The following ZC3H7B variants were observed in gnomAD, a reference collection of about 807,000 sequenced individuals.
ZC3H7B encodes the protein zinc finger CCCH domain-containing protein 7B.
Under a neutral mutation model 116.0 loss-of-function variants are expected in ZC3H7B, and 35 were observed. That is an observed-to-expected ratio of 0.30 (90% CI 0.23 to 0.40). The LOEUF (loss-of-function observed/expected upper bound fraction) is 0.40, where lower values mean the gene tolerates loss of function less well. ZC3H7B is among the 10% of genes least tolerant of loss of function. ZC3H7B has a pLI of 1.00. For missense variants in ZC3H7B, 1,011 were observed against 1,321.5 expected (o/e 0.77, Z 3.64); for synonymous variants, 502 against 545.6 (o/e 0.92, Z 1.11).
Position 41,339,080 on chromosome 22 carries a change from C to G in ZC3H7B, c.705C>G (p.Asp235Glu), listed in dbSNP as rs778895779. 2 of 1,613,202 alleles carry G rather than the reference C, an allele frequency of 1.2e-6. No individual in the cohort carries two copies. Among genetic ancestry groups the G allele is most frequent in the Non-Finnish European group, 1.7e-6 (2 of 1,179,636 alleles). Residue 235 changes from aspartate (D) to glutamate (E), a missense_variant, in exon 9 of 23, where the codon GAC becomes GAG. Physicochemically the swap from Asp to Glu is conservative, Grantham distance 45 (BLOSUM62 2). Around this residue, in one of 5 missense-constraint regions of ZC3H7B, gnomAD observed 322 missense variants for 443.9 expected, o/e 0.73. Coordinates refer to ENST00000352645, the MANE Select transcript of ZC3H7B (RefSeq NM_017590.6). ...PTMPLFPHVL[D>E]LLAPLDSSRT... ...TGCCCCTGTTCCCTCACGTTCTGGA[C>G]CTGCTGGCCCCCCTGGACAGCAGCA...
At chr22:41,306,281 G>A (rs1405659357) in intron 1 of ZC3H7B, among the ~76,000 whole-genome samples, 1 of 151,710 alleles carries the variant, frequency 6.6e-6, no homozygotes, top group Non-Finnish European at 1.5e-5. Context: ...AGCTAGAAGT[G>A]TTTAAAAATT....
chr22:41,338,984 G>C lies in ZC3H7B; in HGVS notation c.626-17G>C, dbSNP rs202061437. 1.3e-6 allele frequency: 2 copies of C among 1,531,434 alleles called. No homozygotes were observed. The highest frequency in any genetic ancestry group is 4.7e-5 in the East Asian group (2 of 42,196). 94.9% of individuals were successfully genotyped at this position (1,531,434 alleles called of 1,614,324 possible). The stretch of plus-strand genomic sequence containing the variant: ...CAAGCAGTGCTCCCCTTCGGCTCTT[G>C]CCCACCCCATCCGCAGACTGCTACG... On this transcript the variant is annotated splice_polypyrimidine_tract_variant and intron_variant, in intron 8 of 22. Coordinates refer to ENST00000352645, the MANE Select transcript of ZC3H7B (RefSeq NM_017590.6). This position sits in a 1 kb window ranked among gnomAD's most constrained non-coding sequence, Gnocchi z 4.5.
At chr22:41,340,977 T>A (rs549091350) in intron 10 of ZC3H7B, 111 bp from the exon 11 acceptor site, 3 of 1,005,942 alleles carry the variant, frequency 3.0e-6, no homozygotes, top group East Asian at 5.1e-5. Flanking sequence ...TAGGAGAGGA[T>A]GTGTGGCCTG....
intron 1 of ZC3H7B, among the ~76,000 whole-genome samples, chr22:41,317,176 C>T (rs1189232220): frequency 2.0e-5 from 3 of 152,030 alleles, no homozygotes; most frequent in African/African-American, 4.8e-5. Context: ...GATGGGGTTT[C>T]ACCATGTTGG....
At chr22:41,337,684 T>G (rs892830597) in intron 7 of ZC3H7B, among the ~76,000 whole-genome samples, 1 of 152,184 alleles carries the variant, frequency 6.6e-6, no homozygotes, top group Non-Finnish European at 1.5e-5. Flanking sequence ...CTTGCCACCT[T>G]CACCGGGGTG....
In ZC3H7B at chr22:41,325,871, C is replaced by A. The variant is rs1472790802; in HGVS notation, c.238C>A (p.Leu80Met). The A allele has an allele frequency of 6.2e-7, 1 of 1,611,704 alleles. No individual in the cohort carries two copies. Among genetic ancestry groups the A allele is most frequent in the Non-Finnish European group, 8.5e-7 (1 of 1,179,514 alleles). ...TGACCAGGTGGCCCTGCCCCGGGAG[C>A]TGCTGTGCAAGCTGCATGTCAATAG... Reference protein sequence around the residue: ...ASDQVALPRELLCKLHVNRAA... With the variant: ...ASDQVALPREMLCKLHVNRAA... Residue 80 changes from leucine (L) to methionine (M), a missense_variant, in exon 4 of 23, where the codon CTG (leucine) becomes ATG (methionine). By Grantham distance (15) the Leu-to-Met change is conservative. Around this residue, in one of 5 missense-constraint regions of ZC3H7B, gnomAD observed 322 missense variants for 443.9 expected, o/e 0.73. Transcript: ENST00000352645.
At chr22:41,347,495 C>T (rs2145937017) in intron 14 of ZC3H7B, among the ~76,000 whole-genome samples, 1 of 152,332 alleles carries the variant, frequency 6.6e-6, no homozygotes, top group East Asian at 1.9e-4. Context: ...CCCTGAAGAC[C>T]CCGCTTGGCC....
At chr22:41,313,897 C>A (rs1336851030) in intron 1 of ZC3H7B, among the ~76,000 whole-genome samples, 1 of 151,814 alleles carries the variant, frequency 6.6e-6, no homozygotes, top group Admixed American at 6.6e-5. Flanking sequence ...CAGGCACCCG[C>A]CATCATGCCT....
chr22:41,306,935 G>C (rs942945479), intron 1 of ZC3H7B, among the ~76,000 whole-genome samples: 2 of 151,468 alleles, frequency 1.3e-5, no homozygotes, highest in South Asian at 4.2e-4. Flanking sequence ...TGGGCTGTGC[G>C]TCAGCCCCCA....
chr22:41,320,226 G>A (rs1157942154), intron 1 of ZC3H7B, among the ~76,000 whole-genome samples: 6 of 151,400 alleles, frequency 4.0e-5, no homozygotes, highest in East Asian at 1.9e-4. Flanking sequence ...CCAGCTACTC[G>A]GGAGGCTGAG....
rs1888035522 is a variant in ZC3H7B at position 41,301,770 on chromosome 22, G to T, written c.-9G>T. The T allele has an allele frequency of 6.6e-6, 1 of 151,872 alleles. No homozygotes were observed. Among genetic ancestry groups the T allele is most frequent in the Non-Finnish European group, 1.5e-5 (1 of 67,966 alleles). The allele number at this position is 151,872 out of a possible 1,614,324, so 9.4% of individuals were successfully genotyped here. On this transcript the variant is annotated splice_region_variant and 5_prime_UTR_variant, in exon 1 of 23. Coordinates refer to ENST00000352645, the MANE Select transcript of ZC3H7B (RefSeq NM_017590.6). ...GGCCCGCGGGGAGCGCAGCCCGGCG[G>T]AGGTGAGTGCTTGGCGCGGCCCGAG...
At chr22:41,347,802 G>A (rs1400919794) in intron 14 of ZC3H7B, among the ~76,000 whole-genome samples, 1 of 152,070 alleles carries the variant, frequency 6.6e-6, no homozygotes, top group Non-Finnish European at 1.5e-5. Context: ...TTTTTGACAT[G>A]AAGTAACCCC....
chr22:41,338,029 G>A lies in ZC3H7B; in HGVS notation c.583-284G>A, dbSNP rs184172280. ...GTTACAGGCTCCTGCCACCATGCCC[G>A]ACTAATTTTTGTATTTTTAGTAGAG... is the stretch of plus-strand genomic sequence containing the variant. On this transcript the variant is annotated intron_variant, in intron 7 of 22. Transcript: ENST00000352645. The surrounding 1 kb of genome is among the most constrained non-coding windows in gnomAD (Gnocchi z 4.5). Among the ~76,000 whole-genome samples, 54 of 152,200 alleles carry A rather than the reference G, an allele frequency of 3.5e-4. No homozygotes were observed. Among genetic ancestry groups the A allele is most frequent in the African/African-American group, 9.9e-4 (41 of 41,518 alleles).
At chr22:41,353,416 T>C (rs778250245) in intron 17 of ZC3H7B, among the ~76,000 whole-genome samples, 1 of 152,248 alleles carries the variant, frequency 6.6e-6, no homozygotes, top group Non-Finnish European at 1.5e-5. Flanking sequence ...TCGTATCTCC[T>C]GGGGTGGGTG....
At chr22:41,306,164 C>G (rs542298512) in intron 1 of ZC3H7B, among the ~76,000 whole-genome samples, 1 of 152,118 alleles carries the variant, frequency 6.6e-6, no homozygotes, top group Non-Finnish European at 1.5e-5. Context: ...ATGATCCTTT[C>G]GATTCTCTGG....
At position 41,341,125 on chromosome 22, in the gene ZC3H7B, T is replaced by C; in HGVS notation, c.1176T>C (p.Gly392=). Residue 392 remains glycine (G), a synonymous_variant, in exon 11 of 23, where the codon GGT becomes GGC. Coordinates refer to ENST00000352645, the MANE Select transcript of ZC3H7B (RefSeq NM_017590.6). ...TNSQDHRPPS[G]AQKPAPSPEP... is the part of the protein sequence containing the mutation. ...CACAGGACCACCGTCCCCCTAGCGG[T>C]GCTCAGAAACCAGCCCCCTCGGTGA... 6.2e-7 allele frequency: 1 copy of C among 1,613,932 alleles called. No homozygotes were observed. Among genetic ancestry groups the C allele is most frequent in the Non-Finnish European group, 8.5e-7 (1 of 1,179,878 alleles).
chr22:41,330,779 T>C (rs527710682), intron 6 of ZC3H7B, among the ~76,000 whole-genome samples: 32 of 150,212 alleles, frequency 2.1e-4, no homozygotes, highest in African/African-American at 7.8e-4. Context: ...CCATCTCTAC[T>C]AAAAATACAA....
intron 13 of ZC3H7B, 91 bp downstream of exon 13, chr22:41,343,667 A>T (rs1461744780): frequency 1.4e-6 from 2 of 1,431,452 alleles, no homozygotes; most frequent in Non-Finnish European, 1.8e-6. Context: ...AGGTAGACAG[A>T]ACAGGGGTGG....
At chr22:41,356,226 T>C (rs2036715212) in intron 20 of ZC3H7B, 117 bp from the exon 21 acceptor site, 4 of 1,539,714 alleles carry the variant, frequency 2.6e-6, no homozygotes, top group Non-Finnish European at 3.5e-6. Context: ...GCCCTGAGGC[T>C]GAGCGGCCTA....
Sources: allele counts gnomAD v4.1 joint callset (sites outside exome capture counted in the v4.1 genomes callset), GRCh38; gene constraint gnomAD v4.1.1; regional missense constraint gnomAD v4.1.1; non-coding constraint Gnocchi (gnomAD v3.1); transcripts MANE v1.5; gene names NCBI Gene and HGNC (gene_info 2026-07-23, HGNC 2026-07-21).